Variants in CARM1 observed in about 807,000 individuals in gnomAD.
CARM1 encodes coactivator associated arginine methyltransferase 1, also known as histone-arginine methyltransferase CARM1.
A neutral mutation model predicts 72.7 loss-of-function variants in CARM1; 14 were observed. The observed-to-expected ratio is 0.19, with a 90% confidence interval of 0.13 to 0.30. The LOEUF (loss-of-function observed/expected upper bound fraction) is 0.30. CARM1 is among the 10% of genes least tolerant of loss of function. The pLI is 1.00. For synonymous variants in CARM1, 333 were observed against 345.5 expected, an observed-to-expected ratio of 0.96 and a Z score of 0.40; for missense variants, 432 against 833.7, an observed-to-expected ratio of 0.52 and a Z score of 5.93.
intron 3 of CARM1, 149 bp from the exon 4 acceptor site, chr19:10,908,954 G>A: frequency 1.8e-6 from 1 of 560,868 alleles, no homozygotes; most frequent in East Asian, 3.1e-5. Context: ...CTCTCCTGGA[G>A]CTGCTAGTGG....
Position 10,920,969 on chromosome 19 carries a change from C to T in CARM1, c.1537+23C>T. On this transcript the variant is annotated intron_variant, in intron 13 of 15. Coordinates refer to ENST00000327064, the MANE Select transcript of CARM1 (RefSeq NM_199141.2). This position sits in a 1 kb window ranked among gnomAD's most constrained non-coding sequence, Gnocchi z 5.3. ...CAGGTGAGCAGGGCCCACCCCAATG[C>T]CCAGCCAACCCGGGAGGCCGCCCTC... The T allele has an allele frequency of 6.2e-7, 1 of 1,612,982 alleles. No homozygotes were observed. Among genetic ancestry groups the T allele is most frequent in the South Asian group, 1.1e-5 (1 of 91,054 alleles).
intron 2 of CARM1, among the ~76,000 whole-genome samples, chr19:10,905,942 C>CTTTTTTTTTTTTTTT (rs35328638): frequency 9.7e-6 from 1 of 103,444 alleles, no homozygotes; most frequent in African/African-American, 3.9e-5. Context: ...TGCCCGGCCC[C>CTTTTTTTTTTTTTTT]TTTTTTTTTT....
intron 1 of CARM1, among the ~76,000 whole-genome samples, chr19:10,876,217 G>A (rs2073863584): frequency 6.6e-6 from 1 of 151,842 alleles, no homozygotes; most frequent in African/African-American, 2.4e-5. Flanking sequence ...CTAGCGATGC[G>A]GTCTCACTAT....
chr19:10,880,743 G>C (rs1039719047), intron 1 of CARM1, among the ~76,000 whole-genome samples: 1 of 152,164 alleles, frequency 6.6e-6, no homozygotes, highest in African/African-American at 2.4e-5. Flanking sequence ...TTTGCAAAGG[G>C]GTAAAAGGAC....
rs1275466386 is a variant in CARM1 at position 10,881,849 on chromosome 19, CT to C, written c.220+9928del. Reference sequence around the variant, plus strand: ...CCAAGCGTCTGCTGTGCACCAGTTACTGTTTTAGGAGCCCAGGGATGTGGTG... The same window carrying C: ...CCAAGCGTCTGCTGTGCACCAGTTACGTTTTAGGAGCCCAGGGATGTGGTG... On this transcript the variant is annotated intron_variant, in intron 1 of 15. Transcript: ENST00000327064. Among the ~76,000 whole-genome samples the C allele has an allele frequency of 2.0e-5, 3 of 152,322 alleles. No individual in the cohort carries two copies. The East Asian group carries it at 5.8e-4, about 29-fold the overall frequency.
Position 10,922,170 on chromosome 19 carries a change from C to T in CARM1, c.*413C>T, listed in dbSNP as rs552910255. 122 of 166,156 alleles carry T rather than the reference C, an allele frequency of 7.3e-4. 1 individual carries two copies. Among genetic ancestry groups the T allele is most frequent in the Admixed American group, 4.3e-3 (67 of 15,672 alleles). 10.3% of individuals were successfully genotyped at this position (166,156 alleles called of 1,614,324 possible). A position where few individuals can be genotyped will look rare whatever the true frequency, so the allele number is the denominator to read the frequency against. Reference sequence around the variant, plus strand: ...GGCCTCCCCTTCGACGACCAGGCCTCGGTCACAACGGACGTGACATGCTGC... The same window carrying T: ...GGCCTCCCCTTCGACGACCAGGCCTTGGTCACAACGGACGTGACATGCTGC... On this transcript the variant is annotated 3_prime_UTR_variant, in exon 16 of 16. Transcript: ENST00000327064.
At chr19:10,881,643 A>T (rs887853909) in intron 1 of CARM1, among the ~76,000 whole-genome samples, 19 of 150,936 alleles carry the variant, frequency 1.3e-4, no homozygotes, top group Non-Finnish European at 1.2e-4. Flanking sequence ...GCCAGATGGC[A>T]GGTCTTGGGG....
chr19:10,895,103 G>A (rs893068714), intron 1 of CARM1, among the ~76,000 whole-genome samples: 2 of 151,492 alleles, frequency 1.3e-5, no homozygotes, highest in East Asian at 3.9e-4. Flanking sequence ...CAGCATGGGA[G>A]GTTCTCTTTT....
chr19:10,885,927 G>A (rs2146310076), intron 1 of CARM1, among the ~76,000 whole-genome samples: 1 of 147,130 alleles, frequency 6.8e-6, no homozygotes, highest in South Asian at 2.1e-4. Flanking sequence ...GACAGGGAGT[G>A]CAGCGGTGTG....
intron 15 of CARM1, 58 bp from the exon 16 acceptor site, chr19:10,921,555 ACT>A: frequency 6.4e-7 from 1 of 1,567,370 alleles, no homozygotes; most frequent in African/African-American, 1.4e-5. Flanking sequence ...TCTCTCTGTG[ACT>A]CTGCCTGGGG....
At position 10,896,362 on chromosome 19, in the gene CARM1, GGA is replaced by G. The variant is rs2074023991; in HGVS notation, c.221-8587_221-8586del. On this transcript the variant is annotated intron_variant, in intron 1 of 15. Coordinates refer to ENST00000327064, the MANE Select transcript of CARM1 (RefSeq NM_199141.2). This position sits in a 1 kb window ranked among gnomAD's most constrained non-coding sequence, Gnocchi z 5.2. ...TTCTGCTGCCCTGGGGGGCCAATAA[GGA>G]GGGGATGTGCAGCATGCTGACTCTA... is the stretch of plus-strand genomic sequence containing the variant. Among the ~76,000 whole-genome samples, 1 of 152,042 alleles carries G rather than the reference GGA, an allele frequency of 6.6e-6. No individual in the cohort carries two copies. Among genetic ancestry groups the G allele is most frequent in the Non-Finnish European group, 1.5e-5 (1 of 67,996 alleles).
chr19:10,878,631 A>G (rs1275340947), intron 1 of CARM1, among the ~76,000 whole-genome samples: 3 of 152,182 alleles, frequency 2.0e-5, no homozygotes, highest in Non-Finnish European at 4.4e-5. Context: ...CCTTAAATGC[A>G]TATATAAGTG....
At position 10,907,953 on chromosome 19, in the gene CARM1, C is replaced by T. The variant is rs567609379; in HGVS notation, c.347-86C>T. 2.5e-4 allele frequency: 199 copies of T among 796,376 alleles called. 3 individuals carry two copies. The South Asian group carries it at 2.7e-3, about 11-fold the overall frequency. The allele number at this position is 796,376 out of a possible 1,614,324, so 49.3% of individuals were successfully genotyped here. A position where few individuals can be genotyped will look rare whatever the true frequency, so the allele number is the denominator to read the frequency against. ...TATGTTCAAGGGAGAAACGTCAGGA[C>T]ATACGGCCATCCAGAACCTTCCCTC... On this transcript the variant is annotated intron_variant, in intron 2 of 15. Coordinates refer to ENST00000327064, the MANE Select transcript of CARM1 (RefSeq NM_199141.2).
At chr19:10,878,342 G>A (rs2073878333) in intron 1 of CARM1, among the ~76,000 whole-genome samples, 2 of 152,318 alleles carry the variant, frequency 1.3e-5, no homozygotes, top group African/African-American at 2.4e-5. Context: ...AATGAGGCAG[G>A]CAGGAGTTGG....
chr19:10,873,627 T>TG (rs2073837963), intron 1 of CARM1, among the ~76,000 whole-genome samples: 1 of 66,500 alleles, frequency 1.5e-5, no homozygotes, highest in Non-Finnish European at 3.4e-5. Flanking sequence ...TAGTTTAGTT[T>TG]TTTTTTTTTT....
chr19:10,890,692 CAT>C (rs750471737), intron 1 of CARM1, among the ~76,000 whole-genome samples: 1 of 145,928 alleles, frequency 6.9e-6, no homozygotes, highest in African/African-American at 2.5e-5. Flanking sequence ...TATATACACA[CAT>C]ATATACACAC....
Position 10,897,513 on chromosome 19 carries a change from T to A in CARM1, c.221-7438T>A, listed in dbSNP as rs1024362713. ...CCTTCCCTGCAGTTCCAGCCCCTCC[T>A]CCCTTGGCCCCAGAGCTTCATCAGG... On this transcript the variant is annotated intron_variant, in intron 1 of 15. Transcript: ENST00000327064. Among the ~76,000 whole-genome samples, 5 of 152,244 alleles carry A rather than the reference T, an allele frequency of 3.3e-5. No homozygotes were observed. In the South Asian group the frequency reaches 8.3e-4, roughly 25 times the overall value.
Position 10,915,769 on chromosome 19 carries a change from C to T in CARM1, c.848-638C>T, listed in dbSNP as rs1405127401. 2.0e-5 allele frequency among the ~76,000 whole-genome samples: 3 copies of T among 152,182 alleles called. No individual in the cohort carries two copies. Among genetic ancestry groups the T allele is most frequent in the Admixed American group, 1.3e-4 (2 of 15,280 alleles). On this transcript the variant is annotated intron_variant, in intron 6 of 15. Coordinates refer to ENST00000327064, the MANE Select transcript of CARM1 (RefSeq NM_199141.2). The surrounding 1 kb of genome is among the most constrained non-coding windows in gnomAD (Gnocchi z 4.6). ...CAGGCGGGGCTGCGGGGCCCTGATC[C>T]TCCCTGCCACTGGCCCTGACTCATG...
At chr19:10,878,916 C>T (rs1188395630) in intron 1 of CARM1, among the ~76,000 whole-genome samples, 3 of 151,848 alleles carry the variant, frequency 2.0e-5, no homozygotes, top group Non-Finnish European at 4.4e-5. Flanking sequence ...AAGCGATTCT[C>T]CTGCCTCAGC....
Sources: allele counts gnomAD v4.1 joint callset (sites outside exome capture counted in the v4.1 genomes callset), GRCh38; gene constraint gnomAD v4.1.1; non-coding constraint Gnocchi (gnomAD v3.1); transcripts MANE v1.5; gene names NCBI Gene and HGNC (gene_info 2026-07-23, HGNC 2026-07-21).